Variants in FDXR observed in about 807,000 individuals in gnomAD.
FDXR encodes the protein NADPH:adrenodoxin oxidoreductase, mitochondrial.
FDXR carries 38 observed loss-of-function variants against 58.3 expected under a neutral mutation model. The observed-to-expected ratio is 0.65, with a 90% CI of 0.50 to 0.85. FDXR has a LOEUF of 0.85. Among genes scored for constraint, FDXR ranks in the 40% least tolerant of loss-of-function variants. FDXR has a pLI of 0.00. For synonymous variants in FDXR, 275 were observed against 273.8 expected (o/e 1.00, Z -0.04); for missense variants, 624 against 671.0 (o/e 0.93, Z 0.77).
chr17:74,869,812 C>G, intron 2 of FDXR: 2 of 376,386 alleles, frequency 5.3e-6, no homozygotes, highest in Non-Finnish European at 1.2e-5. Context: ...GCGCCCAGAA[C>G]ATGTTACGTC....
chr17:74,872,994 C>A lies in FDXR; in HGVS notation c.-50G>T. On this transcript the variant is annotated 5_prime_UTR_variant, in exon 1 of 12. Coordinates refer to ENST00000293195, the MANE Select transcript of FDXR (RefSeq NM_024417.5). ...GGATCTGTTCCTAGCTACTGCTCCG[C>A]AGGGCAAGCCCGCTCCTGCCCGGGC... is the stretch of plus-strand genomic sequence containing the variant. 6.7e-7 allele frequency: 1 copy of A among 1,499,150 alleles called. No individual in the cohort carries two copies. The highest frequency in any genetic ancestry group is 9.0e-7 in the Non-Finnish European group (1 of 1,109,626). The allele number at this position is 1,499,150 out of a possible 1,614,324, so 92.9% of individuals were successfully genotyped here. A position where few individuals can be genotyped will look rare whatever the true frequency, so the allele number is the denominator to read the frequency against.
intron 10 of FDXR, 89 bp from the exon 11 acceptor site, chr17:74,863,335 GCA>G (rs1391627446): frequency 3.1e-6 from 4 of 1,274,096 alleles, no homozygotes; most frequent in East Asian, 5.0e-5. Context: ...CCACGTGCAC[GCA>G]CACAGACACC....
chr17:74,867,916 C>T (rs537438945), intron 2 of FDXR, among the ~76,000 whole-genome samples: 2 of 152,298 alleles, frequency 1.3e-5, no homozygotes, highest in South Asian at 2.1e-4. Context: ...CTCTGGGCCA[C>T]AGGCCGGTTA....
Position 74,863,878 on chromosome 17 carries a change from C to T in FDXR, c.1174+18G>A. On this transcript the variant is annotated intron_variant, in intron 10 of 11. Transcript: ENST00000293195. Reference sequence around the variant, plus strand: ...CTCTCACCATAATTCAGCACCCAGCCTCCTCACACCCTCTCACCTGGCACA... The same window carrying T: ...CTCTCACCATAATTCAGCACCCAGCTTCCTCACACCCTCTCACCTGGCACA... The T allele has an allele frequency of 6.2e-7, 1 of 1,603,408 alleles. No individual in the cohort carries two copies. The highest frequency in any genetic ancestry group is 8.5e-7 in the Non-Finnish European group (1 of 1,173,232).
intron 9 of FDXR, 30 bp from the exon 10 acceptor site, chr17:74,864,097 C>T (rs377041334): frequency 2.9e-5 from 47 of 1,613,494 alleles, no homozygotes; most frequent in Non-Finnish European, 3.7e-5. Context: ...CAACACCAGG[C>T]GGGTGGCAGA....
chr17:74,872,343 T>A, intron 1 of FDXR: 1 of 1,422,674 alleles, frequency 7.0e-7, no homozygotes, highest in Non-Finnish European at 9.5e-7. Context: ...AGCCCACATC[T>A]CACCCATGAA....
chr17:74,866,036 C>T, intron 5 of FDXR, 95 bp downstream of exon 5: 3 of 1,048,020 alleles, frequency 2.9e-6, no homozygotes, highest in Non-Finnish European at 4.4e-6. Flanking sequence ...TGTCACAGCT[C>T]GCCACTGGAT....
intron 2 of FDXR, chr17:74,870,002 C>T (rs918598023): frequency 1.1e-5 from 5 of 451,570 alleles, no homozygotes; most frequent in African/African-American, 4.0e-5. Flanking sequence ...GAGGATGCTA[C>T]GAGATGCTGT....
In FDXR at chr17:74,864,219, G is replaced by T; in HGVS notation, c.931C>A (p.Pro311Thr). 2 of 1,609,180 alleles carry T rather than the reference G, an allele frequency of 1.2e-6. No homozygotes were observed. Among genetic ancestry groups the T allele is most frequent in the Non-Finnish European group, 1.7e-6 (2 of 1,177,128 alleles). ...RAWGLRFFRS[P>T]QQVLPSPDGR... Reference sequence around the variant, plus strand: ...TCTGGTGAGGGCAGCACCTGCTGGGGGCTTCGGAAAAAGCGGAGGCCCCAG... The same window carrying T: ...TCTGGTGAGGGCAGCACCTGCTGGGTGCTTCGGAAAAAGCGGAGGCCCCAG... Residue 311 changes from proline to threonine, a missense_variant, in exon 9 of 12, where the codon CCC becomes ACC. Pro to Thr is a conservative substitution (Grantham distance 38). Transcript: ENST00000293195.
chr17:74,866,068 G>A (rs1490468807), intron 5 of FDXR, 63 bp downstream of exon 5: 21 of 1,267,222 alleles, frequency 1.7e-5, no homozygotes, highest in Non-Finnish European at 2.1e-5. Context: ...CTTCCCCCAG[G>A]TCTGGCATCC....
chr17:74,872,055 G>A lies in FDXR; in HGVS notation c.158C>T (p.Thr53Met), dbSNP rs199819323. The A allele has an allele frequency of 1.8e-4, 284 of 1,600,908 alleles. No homozygotes were observed. Among genetic ancestry groups the A allele is most frequent in the South Asian group, 2.5e-4 (22 of 89,168 alleles). The change falls in exon 2 of 12, where the codon ACG (threonine) becomes ATG (methionine). Residue 53 changes from threonine (T) to methionine (M), a missense_variant. By Grantham distance (81) the Thr-to-Met change is moderately conservative (BLOSUM62 -1). Transcript: ENST00000293195. ...VVGSGPAGFYTAQHLLKHPQA... is the reference protein window; with the variant it reads ...VVGSGPAGFYMAQHLLKHPQA... Reference sequence around the variant, plus strand: ...GCTTACCTTTAGCAGGTGTTGGGCCGTGTAGAAGCCAGCTGGGCCACTGCC... The same window carrying A: ...GCTTACCTTTAGCAGGTGTTGGGCCATGTAGAAGCCAGCTGGGCCACTGCC...
At position 74,863,164 on chromosome 17, in the gene FDXR, C is replaced by G; in HGVS notation, c.1257G>C (p.Gln419His). 1.2e-6 allele frequency: 2 copies of G among 1,613,882 alleles called. No individual in the cohort carries two copies. The highest frequency in any genetic ancestry group is 1.7e-6 in the Non-Finnish European group (2 of 1,179,994). The change falls in exon 11 of 12, where the codon CAG becomes CAC. Residue 419 changes from glutamine (Q) to histidine (H), a missense_variant. Coordinates refer to ENST00000293195, the MANE Select transcript of FDXR (RefSeq NM_024417.5). ...TTMTDSFLTG[Q>H]MLLQDLKAGL... ...CAGCCTTCAGGTCCTGCAGCAGCAT[C>G]TGGCCGGTGAGGAAGCTGTCAGTCA... is the stretch of plus-strand genomic sequence containing the variant.
chr17:74,872,216 C>T, intron 1 of FDXR, 83 bp from the exon 2 acceptor site: 1 of 1,555,380 alleles, frequency 6.4e-7, no homozygotes, highest in Non-Finnish European at 8.7e-7. Flanking sequence ...CCAACAGAAG[C>T]TGGAACTTCC....
Position 74,872,978 on chromosome 17 carries a change from C to G in FDXR, c.-34G>C. 6.5e-7 allele frequency: 1 copy of G among 1,538,162 alleles called. No homozygotes were observed. Among genetic ancestry groups the G allele is most frequent in the South Asian group, 1.2e-5 (1 of 83,692 alleles). ...GCAGCAACCTGCAAGTGGATCTGTT[C>G]CTAGCTACTGCTCCGCAGGGCAAGC... is the stretch of plus-strand genomic sequence containing the variant. On this transcript the variant is annotated 5_prime_UTR_variant, in exon 1 of 12. Transcript: ENST00000293195.
At chr17:74,868,848 C>T (rs2038281389) in intron 2 of FDXR, 16 of 1,092,564 alleles carry the variant, frequency 1.5e-5, no homozygotes, top group Non-Finnish European at 1.9e-5. Flanking sequence ...TGATGACTTT[C>T]TACTCTCTCT....
At chr17:74,868,583 C>A (rs1424628481) in intron 2 of FDXR, 1 of 1,535,636 alleles carries the variant, frequency 6.5e-7, no homozygotes, top group Non-Finnish European at 8.7e-7. Flanking sequence ...TGCGACAGAT[C>A]CTTCACTCTG....
rs756758083 is a variant in FDXR, at chr17:74,864,885, C to T, written c.656G>A (p.Arg219Gln). 6 of 1,614,034 alleles carry T rather than the reference C, an allele frequency of 3.7e-6. No individual in the cohort carries two copies. Among genetic ancestry groups the T allele is most frequent in the African/African-American group, 1.3e-5 (1 of 74,904 alleles). Reference protein sequence around the residue: ...KAALGVLRQSRVKTVWLVGRR... With the variant: ...KAALGVLRQSQVKTVWLVGRR... ...GCCCACTAGCCACACTGTCTTCACTCGACTCTGCCTCAGTACACCCAGGGC... is the reference window on the plus strand; with the variant it reads ...GCCCACTAGCCACACTGTCTTCACTTGACTCTGCCTCAGTACACCCAGGGC... Residue 219 changes from arginine (R) to glutamine (Q), a missense_variant, in exon 7 of 12, where the codon CGA (arginine) becomes CAA (glutamine). Physicochemically the swap from Arg to Gln is conservative, Grantham distance 43. Transcript: ENST00000293195.
chr17:74,863,898 G>A lies in FDXR; in HGVS notation c.1172C>T (p.Pro391Leu). Residue 391 changes from proline to leucine, a missense_variant and splice_region_variant, in exon 10 of 12, where the codon CCA (proline) becomes CTA (leucine). Transcript: ENST00000293195. Reference protein sequence around the residue: ...PNVEGRVMDVPGLYCSGWVKR... With the variant: ...PNVEGRVMDVLGLYCSGWVKR... ...CCAGCCTCCTCACACCCTCTCACCT[G>A]GCACATCCATAACCCGGCCCTCCAC... 1 of 1,611,302 alleles carries A rather than the reference G, an allele frequency of 6.2e-7. No individual in the cohort carries two copies. Among genetic ancestry groups the A allele is most frequent in the Non-Finnish European group, 8.5e-7 (1 of 1,178,082 alleles).
At chr17:74,867,069 G>A (rs2038216232) in intron 2 of FDXR, 193 bp from the exon 3 acceptor site, 1 of 1,270,008 alleles carries the variant, frequency 7.9e-7, no homozygotes, top group Admixed American at 2.9e-5. Context: ...CACTTTGGGA[G>A]GCTGAGGCAG....
Sources: gnomAD v4.1 joint callset for allele counts (sites outside exome capture counted in the v4.1 genomes callset) on GRCh38, gnomAD v4.1.1 for gene constraint, MANE v1.5 for transcripts, NCBI Gene and HGNC (gene_info 2026-07-23, HGNC 2026-07-21) for gene names.